Variants in RANBP2 observed in about 807,000 individuals in gnomAD.
RANBP2 encodes RAN binding protein 2.
A neutral mutation model predicts 303.6 loss-of-function variants in RANBP2; 57 were observed. That is an observed-to-expected ratio of 0.19 (90% CI 0.15 to 0.23). The LOEUF is 0.23. Ranked by LOEUF, RANBP2 falls within the 10% of genes least tolerant of loss-of-function variation. RANBP2 has a pLI of 1.00. For synonymous variants in RANBP2, 1,167 were observed against 1,301.5 expected, an observed-to-expected ratio of 0.90 and a Z score of 2.23; for missense variants, 3,138 against 3,780.8, an observed-to-expected ratio of 0.83 and a Z score of 4.46.
the RANBP2 span, among the ~76,000 whole-genome samples, chr2:109,699,304 C>T: frequency 2.6e-5 from 4 of 152,146 alleles, no homozygotes; most frequent in African/African-American, 9.7e-5. Flanking sequence ...GTTGTCTTGG[C>T]CTCTTCATTC....
the RANBP2 span, among the ~76,000 whole-genome samples, chr2:109,494,516 G>C: frequency 0.014 from 2,156 of 152,286 alleles, 49 homozygotes; most frequent in African/African-American, 0.049. Flanking sequence ...GAGAGCACTT[G>C]GACTTGGGCC....
the RANBP2 span, among the ~76,000 whole-genome samples, chr2:108,864,801 A>AC: frequency 6.6e-6 from 1 of 151,488 alleles, no homozygotes; most frequent in Non-Finnish European, 1.5e-5. Flanking sequence ...CTCAAAAAAA[A>AC]AAAAAAAAAA....
At chr2:109,000,951 C>A in the RANBP2 span, among the ~76,000 whole-genome samples, 1 of 152,100 alleles carries the variant, frequency 6.6e-6, no homozygotes, top group Non-Finnish European at 1.5e-5. Context: ...TGCCCTGAGG[C>A]CCAGGTGAGG....
the RANBP2 span, among the ~76,000 whole-genome samples, chr2:109,336,492 C>T: frequency 5.2e-3 from 792 of 152,312 alleles, 5 homozygotes; most frequent in Non-Finnish European, 7.8e-3. Context: ...ACGGCTAGCA[C>T]GTGCTGAGGA....
chr2:109,165,777 T>C, the RANBP2 span, among the ~76,000 whole-genome samples: 75,348 of 151,962 alleles, frequency 0.5, 19,674 homozygotes, highest in South Asian at 0.6. Context: ...TACTTAAGAA[T>C]CATCATTTAG....
chr2:108,727,220 G>T (rs1160541921), intron 1 of RANBP2, among the ~76,000 whole-genome samples: 1 of 152,168 alleles, frequency 6.6e-6, no homozygotes, highest in Non-Finnish European at 1.5e-5. Flanking sequence ...CCGGGCAGAG[G>T]CGCCCCTCAG....
chr2:109,136,558 C>G, the RANBP2 span, among the ~76,000 whole-genome samples: 1 of 152,126 alleles, frequency 6.6e-6, no homozygotes, highest in Non-Finnish European at 1.5e-5. Flanking sequence ...TTTCTTTAGG[C>G]TCTCCTGGCC....
At chr2:108,864,282 A>G in the RANBP2 span, among the ~76,000 whole-genome samples, 39 of 150,374 alleles carry the variant, frequency 2.6e-4, 1 homozygote, top group East Asian at 7.1e-3. Flanking sequence ...CGCTATTTTT[A>G]TTTATTTATT....
At chr2:109,393,324 T>C in the RANBP2 span, among the ~76,000 whole-genome samples, 15 of 152,190 alleles carry the variant, frequency 9.9e-5, no homozygotes, top group African/African-American at 3.6e-4. Flanking sequence ...TTGCAAACAG[T>C]GTTCTAGAAG....
At chr2:108,887,721 T>C in the RANBP2 span, among the ~76,000 whole-genome samples, 1 of 152,206 alleles carries the variant, frequency 6.6e-6, no homozygotes, top group South Asian at 2.1e-4. Flanking sequence ...TATATGTTGG[T>C]TTTGTATCCT....
the RANBP2 span, among the ~76,000 whole-genome samples, chr2:109,584,313 T>C: frequency 6.6e-6 from 1 of 151,398 alleles, no homozygotes; most frequent in Non-Finnish European, 1.5e-5. Flanking sequence ...CCGTCTCTAC[T>C]AAAAACACAA....
the RANBP2 span, among the ~76,000 whole-genome samples, chr2:109,302,453 C>T: frequency 3.3e-5 from 5 of 152,234 alleles, no homozygotes; most frequent in African/African-American, 1.2e-4. Context: ...CCAGGAATAA[C>T]CAGGCACAAC....
At position 108,775,839 on chromosome 2, in the gene RANBP2, C is replaced by T. The variant is rs1677846431; in HGVS notation, c.8400C>T (p.Thr2800=). 2 of 1,613,596 alleles carry T rather than the reference C, an allele frequency of 1.2e-6. No homozygotes were observed. ...AATCTGAAGAACCTGATTCTATTAC[C>T]AAATCCATTAGTTCACCATCTGTTT... is the stretch of plus-strand genomic sequence containing the variant. ...FCKSEEPDSI[T]KSISSPSVSS... Residue 2800 remains threonine (T), a synonymous_variant, in exon 24 of 29, where the codon ACC becomes ACT. Coordinates refer to ENST00000283195, the MANE Select transcript of RANBP2 (RefSeq NM_006267.5).
At chr2:108,787,482 G>T (rs146848524), downstream of RANBP2, among the ~76,000 whole-genome samples, 762 of 152,192 alleles carry the variant, frequency 5.0e-3, 4 homozygotes, top group South Asian at 0.021. Context: ...GCATAAGGAC[G>T]TTGTCTTTTA....
the RANBP2 span, among the ~76,000 whole-genome samples, chr2:109,622,621 T>C: frequency 1.3e-5 from 2 of 152,256 alleles, no homozygotes; most frequent in East Asian, 3.9e-4. Context: ...TGCTAAAATA[T>C]TTGAGGTGTA....
chr2:109,533,889 C>T, the RANBP2 span, among the ~76,000 whole-genome samples: 1 of 152,192 alleles, frequency 6.6e-6, no homozygotes, highest in African/African-American at 2.4e-5. Flanking sequence ...TGTAAAGCTA[C>T]TTGTCTCCCG....
At chr2:109,518,606 T>C in the RANBP2 span, among the ~76,000 whole-genome samples, 3 of 152,242 alleles carry the variant, frequency 2.0e-5, no homozygotes, top group Non-Finnish European at 2.9e-5. Context: ...AAATTGTAAG[T>C]AAAGCAAATA....
At chr2:108,820,647 C>T in the RANBP2 span, among the ~76,000 whole-genome samples, 1 of 150,488 alleles carries the variant, frequency 6.6e-6, no homozygotes, top group Non-Finnish European at 1.5e-5. Context: ...CAGCAGATTT[C>T]TCAGCAGAAA....
At chr2:109,432,441 G>T in the RANBP2 span, 1 of 1,592,286 alleles carries the variant, frequency 6.3e-7, no homozygotes, top group South Asian at 1.1e-5. Flanking sequence ...CAGGAATGCC[G>T]GCCGGTCCCC....
Sources: gnomAD v4.1 joint callset for allele counts (sites outside exome capture counted in the v4.1 genomes callset) on GRCh38, gnomAD v4.1.1 for gene constraint, MANE v1.5 for transcripts, NCBI Gene and HGNC (gene_info 2026-07-23, HGNC 2026-07-21) for gene names.